The following PRELID2 variants were observed in gnomAD, a reference collection of about 807,000 sequenced individuals.
PRELID2 encodes the protein PRELI domain-containing protein 2.
PRELID2 carries 25 observed loss-of-function variants against 28.4 expected under a neutral mutation model. The ratio of observed to expected loss-of-function variants is 0.88; its 90% CI spans 0.64 to 1.23. The LOEUF (loss-of-function observed/expected upper bound fraction) is 1.23. Among genes scored for constraint, PRELID2 ranks in the 50% most tolerant of loss-of-function variants. The pLI, the probability that PRELID2 is intolerant of heterozygous loss-of-function variation, is 0.00. For synonymous variants in PRELID2, 76 were observed against 71.6 expected, an observed-to-expected ratio of 1.06 and a Z score of -0.31; for missense variants, 201 against 214.4, an observed-to-expected ratio of 0.94 and a Z score of 0.39.
chr5:145,307,807 T>C, the PRELID2 span, among the ~76,000 whole-genome samples: 1 of 152,206 alleles, frequency 6.6e-6, no homozygotes. Flanking sequence ...AAAAAAAATT[T>C]GCTCAGAGGT....
At chr5:145,431,128 C>T in the PRELID2 span, among the ~76,000 whole-genome samples, 7 of 140,960 alleles carry the variant, frequency 5.0e-5, no homozygotes, top group East Asian at 4.5e-4. Context: ...AAACAAAATA[C>T]GGTGGGAAAT....
In PRELID2 at chr5:145,818,352, T is replaced by G. The variant is rs1754520966; in HGVS notation, c.208-298A>C. Among the ~76,000 whole-genome samples, 4 of 152,214 alleles carry G rather than the reference T, an allele frequency of 2.6e-5. No individual in the cohort carries two copies. In the South Asian group the frequency reaches 8.3e-4, roughly 32 times the overall value. On this transcript the variant is annotated intron_variant, in intron 3 of 6. Coordinates refer to ENST00000683046, the MANE Select transcript of PRELID2 (RefSeq NM_205846.3). ...GCCTCCTTCGCGTCTCCTCTAAGGC[T>G]GGTTATGGCCTTCTTAAATTGATGG...
intron 1 of PRELID2, among the ~76,000 whole-genome samples, chr5:145,536,578 C>T (rs556713240): frequency 1.3e-5 from 2 of 151,494 alleles, no homozygotes; most frequent in South Asian, 2.1e-4. Flanking sequence ...AGCTGGAGTT[C>T]GTGTTTTGCA....
chr5:145,333,661 G>A, the PRELID2 span, among the ~76,000 whole-genome samples: 1 of 152,122 alleles, frequency 6.6e-6, no homozygotes, highest in Non-Finnish European at 1.5e-5. Flanking sequence ...AGACTGCTTT[G>A]CTGGCAGCGA....
chr5:145,443,620 AATGCCTATAATGTAGAGCAC>A, the PRELID2 span, among the ~76,000 whole-genome samples: 3 of 152,222 alleles, frequency 2.0e-5, no homozygotes, highest in South Asian at 6.2e-4. Context: ...AAAGTTAACA[AATGCCTATAATGTAGAGCAC>A]AGTTCCACCT....
chr5:145,724,600 A>AATAAATAAAT (rs1308255896), intron 1 of PRELID2, among the ~76,000 whole-genome samples: 1 of 24,788 alleles, frequency 4.0e-5, no homozygotes, highest in African/African-American at 1.0e-4. Context: ...GAAGTAAATA[A>AATAAATAAAT]ATATATATAT....
At chr5:145,249,582 A>C in the PRELID2 span, among the ~76,000 whole-genome samples, 2 of 152,122 alleles carry the variant, frequency 1.3e-5, no homozygotes, top group African/African-American at 4.8e-5. Context: ...AAATCTAGGA[A>C]TATTGCAACG....
At chr5:145,780,561 A>G (rs1198553693) in intron 5 of PRELID2, among the ~76,000 whole-genome samples, 1 of 152,222 alleles carries the variant, frequency 6.6e-6, no homozygotes. Context: ...ATAATTTAAA[A>G]TATTTACATG....
At chr5:145,809,824 T>A (rs960615008) in intron 4 of PRELID2, among the ~76,000 whole-genome samples, 7 of 152,152 alleles carry the variant, frequency 4.6e-5, no homozygotes, top group African/African-American at 1.7e-4. Flanking sequence ...GCTGGAAGAG[T>A]AAAGCTGAAG....
chr5:145,386,898 T>A, the PRELID2 span, among the ~76,000 whole-genome samples: 3 of 152,202 alleles, frequency 2.0e-5, no homozygotes, highest in Admixed American at 2.0e-4. Context: ...TAACATTAAT[T>A]CTCCTGGGAG....
chr5:145,363,116 G>GA, the PRELID2 span, among the ~76,000 whole-genome samples: 4,271 of 84,054 alleles, frequency 0.051, 138 homozygotes, highest in African/African-American at 0.11. Flanking sequence ...ATGGCTATAA[G>GA]AAAAAAAAAA....
intron 5 of PRELID2, among the ~76,000 whole-genome samples, chr5:145,789,586 G>A (rs1031294175): frequency 2.0e-5 from 3 of 152,096 alleles, no homozygotes; most frequent in African/African-American, 7.2e-5. Context: ...CATTGGTCTG[G>A]GCAATGATTT....
intron 1 of PRELID2, among the ~76,000 whole-genome samples, chr5:145,577,382 A>C (rs1162840444): frequency 6.6e-6 from 1 of 152,180 alleles, no homozygotes; most frequent in African/African-American, 2.4e-5. Flanking sequence ...ATAAATGATC[A>C]GAACAAGAAA....
intron 1 of PRELID2, among the ~76,000 whole-genome samples, chr5:145,596,638 C>G (rs1753311303): frequency 6.6e-6 from 1 of 152,090 alleles, no homozygotes. Flanking sequence ...ATGCACAGTA[C>G]TTCCCCACAA....
At chr5:145,778,296 G>A (rs1287410511) in intron 5 of PRELID2, among the ~76,000 whole-genome samples, 1 of 152,088 alleles carries the variant, frequency 6.6e-6, no homozygotes, top group Non-Finnish European at 1.5e-5. Flanking sequence ...CCTCTCTGCT[G>A]AGAGATACAG....
At chr5:145,817,220 A>AAAATATATATATATATATATATAT (rs1554099385) in intron 4 of PRELID2, among the ~76,000 whole-genome samples, 2 of 66,502 alleles carry the variant, frequency 3.0e-5, no homozygotes, top group African/African-American at 8.1e-5. Context: ...AATAAAAAAA[A>AAAATATATATATATATATATATAT]ATATATATAT....
chr5:145,384,821 A>C, the PRELID2 span, among the ~76,000 whole-genome samples: 2 of 152,148 alleles, frequency 1.3e-5, no homozygotes, highest in Non-Finnish European at 2.9e-5. Flanking sequence ...GCAGGCTCTC[A>C]CGAGAAGTCA....
At chr5:145,292,500 A>G in the PRELID2 span, among the ~76,000 whole-genome samples, 1 of 152,078 alleles carries the variant, frequency 6.6e-6, no homozygotes, top group African/African-American at 2.4e-5. Flanking sequence ...GACTTCACCT[A>G]CTCCAAGCAG....
intron 1 of PRELID2, among the ~76,000 whole-genome samples, chr5:145,498,139 T>G (rs1436337447): frequency 6.6e-6 from 1 of 152,102 alleles, no homozygotes; most frequent in East Asian, 1.9e-4. Context: ...ACCACCCAGC[T>G]TCATCTTGGG....
Sources: gnomAD v4.1 joint callset for allele counts (sites outside exome capture counted in the v4.1 genomes callset) on GRCh38, gnomAD v4.1.1 for gene constraint, MANE v1.5 for transcripts, NCBI Gene and HGNC (gene_info 2026-07-23, HGNC 2026-07-21) for gene names.